RIMS1: variants seen among roughly 807,000 people sequenced by gnomAD.
RIMS1 encodes regulating synaptic membrane exocytosis 1, also known as regulating synaptic membrane exocytosis protein 1.
A neutral mutation model predicts 214.1 loss-of-function variants in RIMS1; 83 were observed. The observed-to-expected ratio is 0.39, with a 90% CI of 0.32 to 0.47. RIMS1 has a LOEUF of 0.47. RIMS1 is among the 20% of genes least tolerant of loss of function. The pLI is 0.99. For missense variants in RIMS1, 2,050 were observed against 2,161.8 expected, an observed-to-expected ratio of 0.95 and a Z score of 1.03; for synonymous variants, 793 against 786.8, an observed-to-expected ratio of 1.01 and a Z score of -0.13.
chr6:72,337,948 C>G (rs2096904021), intron 29 of RIMS1, among the ~76,000 whole-genome samples: 1 of 151,632 alleles, frequency 6.6e-6, no homozygotes, highest in Non-Finnish European at 1.5e-5. Context: ...GCATAGTATT[C>G]CATGGTGTAT....
intron 2 of RIMS1, among the ~76,000 whole-genome samples, chr6:72,094,588 A>T (rs1220795419): frequency 1.3e-5 from 2 of 152,198 alleles, no homozygotes; most frequent in Non-Finnish European, 2.9e-5. Flanking sequence ...TTTTGTAAAT[A>T]AAGTTTCATT....
chr6:72,136,759 T>TA (rs1216199753), intron 4 of RIMS1, among the ~76,000 whole-genome samples: 1 of 152,082 alleles, frequency 6.6e-6, no homozygotes, highest in Non-Finnish European at 1.5e-5. Context: ...AAGTAAAGTA[T>TA]AAAATTATAT....
At chr6:72,177,062 G>T (rs533422192) in intron 4 of RIMS1, among the ~76,000 whole-genome samples, 31 of 152,252 alleles carry the variant, frequency 2.0e-4, no homozygotes, top group Non-Finnish European at 2.8e-4. Flanking sequence ...ATATTCAAAT[G>T]TAAAATGAAG....
chr6:72,247,246 A>C (rs2070434857), intron 11 of RIMS1, among the ~76,000 whole-genome samples: 1 of 152,158 alleles, frequency 6.6e-6, no homozygotes, highest in South Asian at 2.1e-4. Flanking sequence ...TTGAAGCAGC[A>C]TTTTCAGAGG....
intron 29 of RIMS1, among the ~76,000 whole-genome samples, chr6:72,386,410 G>T (rs1203060566): frequency 6.6e-6 from 1 of 152,140 alleles, no homozygotes; most frequent in Non-Finnish European, 1.5e-5. Context: ...GAGCCTCTGG[G>T]TTGGAGTCAA....
chr6:72,061,219 C>T (rs1029323723), intron 2 of RIMS1, among the ~76,000 whole-genome samples: 2 of 152,056 alleles, frequency 1.3e-5, no homozygotes, highest in Non-Finnish European at 2.9e-5. Flanking sequence ...GAAATACCTG[C>T]ACTATATCTT....
intron 4 of RIMS1, among the ~76,000 whole-genome samples, chr6:72,110,310 G>A (rs565196752): frequency 9.9e-5 from 15 of 152,250 alleles, no homozygotes; most frequent in African/African-American, 3.6e-4. Context: ...CCATTTTCAT[G>A]ATATTGATTC....
At chr6:72,269,897 CA>C (rs1265545784) in intron 22 of RIMS1, among the ~76,000 whole-genome samples, 1 of 151,846 alleles carries the variant, frequency 6.6e-6, no homozygotes, top group African/African-American at 2.4e-5. Flanking sequence ...GGTTAAATAC[CA>C]TATCTTTGTA....
rs777214787 is a variant in RIMS1 at position 72,024,900 on chromosome 6, G to GTTTTTTTT, written c.245+55853_245+55860dup. Among the ~76,000 whole-genome samples the GTTTTTTTT allele has an allele frequency of 8.2e-4, 81 of 98,654 alleles. 1 individual carries two copies. The highest frequency in any genetic ancestry group is 1.3e-3 in the Non-Finnish European group (66 of 52,118). 64.7% of individuals were successfully genotyped at this position (98,654 alleles called of 152,430 possible). Reference sequence around the variant, plus strand: ...AACTCAGGATTCTTAAAATCTGTGGGTTTTTTTTTTTTTTTTTTTTTTTGA... The same window carrying GTTTTTTTT: ...AACTCAGGATTCTTAAAATCTGTGGGTTTTTTTTTTTTTTTTTTTTTTTTTTTTTTTGA... On this transcript the variant is annotated intron_variant, in intron 2 of 33. Transcript: ENST00000521978.
Position 72,159,764 on chromosome 6 carries a change from C to A in RIMS1, c.472-19811C>A, listed in dbSNP as rs1588256222. The stretch of plus-strand genomic sequence containing the variant: ...ATTGATCTATATCTCTGTTTTGGTA[C>A]CAGTACCATGCTGTTTTGGTTATTG... On this transcript the variant is annotated intron_variant, in intron 4 of 33. Coordinates refer to ENST00000521978, the MANE Select transcript of RIMS1 (RefSeq NM_014989.7). Among the ~76,000 whole-genome samples the A allele has an allele frequency of 1.4e-5, 2 of 139,722 alleles. 1 individual carries two copies. Among genetic ancestry groups the A allele is most frequent in the South Asian group, 4.8e-4 (2 of 4,194 alleles). 91.7% of individuals were successfully genotyped at this position (139,722 alleles called of 152,430 possible).
intron 1 of RIMS1, among the ~76,000 whole-genome samples, chr6:71,905,080 G>A (rs1372081299): frequency 6.6e-6 from 1 of 152,070 alleles, no homozygotes; most frequent in Non-Finnish European, 1.5e-5. Context: ...ATGGTCTTTG[G>A]AAAATTCCCT....
intron 28 of RIMS1, among the ~76,000 whole-genome samples, chr6:72,319,332 A>T (rs1664397157): frequency 6.6e-6 from 1 of 152,188 alleles, no homozygotes; most frequent in African/African-American, 2.4e-5. Flanking sequence ...ATGAGGTGTA[A>T]TGGAAGGAGG....
chr6:72,395,391 A>G lies in RIMS1; in HGVS notation c.4618+2581A>G, dbSNP rs568484188. Among the ~76,000 whole-genome samples, 6 of 152,196 alleles carry G rather than the reference A, an allele frequency of 3.9e-5. No individual in the cohort carries two copies. The South Asian group carries it at 8.3e-4, about 21-fold the overall frequency. ...CATCATCTCAAGTCATGAAGAAGAA[A>G]AAGAAGATTACCTAAAATAAAAAAC... On this transcript the variant is annotated intron_variant, in intron 31 of 33. Transcript: ENST00000521978.
At chr6:72,049,796 T>A (rs1368890004) in intron 2 of RIMS1, among the ~76,000 whole-genome samples, 1 of 152,194 alleles carries the variant, frequency 6.6e-6, no homozygotes, top group African/African-American at 2.4e-5. Flanking sequence ...CCATTATTGA[T>A]CCTTGCTATC....
At chr6:71,901,239 A>G (rs914378928) in intron 1 of RIMS1, among the ~76,000 whole-genome samples, 3 of 152,112 alleles carry the variant, frequency 2.0e-5, no homozygotes, top group Non-Finnish European at 2.9e-5. Context: ...CTACACTATG[A>G]CATAGGAATT....
At chr6:72,263,893 T>G in intron 19 of RIMS1, 1 of 354,880 alleles carries the variant, frequency 2.8e-6, no homozygotes, top group Non-Finnish European at 3.9e-6. Flanking sequence ...CTTGGGAGGC[T>G]GAGAGAGGAG....
At chr6:72,221,138 C>T (rs2058267689) in intron 6 of RIMS1, among the ~76,000 whole-genome samples, 1 of 151,970 alleles carries the variant, frequency 6.6e-6, no homozygotes, top group East Asian at 1.9e-4. Flanking sequence ...TATCTTTATT[C>T]TCCACAGATT....
At chr6:72,044,052 G>A (rs890646587) in intron 2 of RIMS1, among the ~76,000 whole-genome samples, 4 of 151,448 alleles carry the variant, frequency 2.6e-5, no homozygotes, top group Admixed American at 6.6e-5. Context: ...AAAAACTGGT[G>A]TGTATTTTTC....
At chr6:72,290,982 T>C (rs2093308044) in intron 25 of RIMS1, 121 bp downstream of exon 25, 2 of 800,708 alleles carry the variant, frequency 2.5e-6, no homozygotes, top group African/African-American at 1.7e-5. Flanking sequence ...TAATCCTTTC[T>C]TTGTGACACT....
Sources: allele counts gnomAD v4.1 joint callset (sites outside exome capture counted in the v4.1 genomes callset), GRCh38; gene constraint gnomAD v4.1.1; transcripts MANE v1.5; gene names NCBI Gene and HGNC (gene_info 2026-07-23, HGNC 2026-07-21).